PCDHGA7: variants seen among roughly 807,000 people sequenced by gnomAD.
PCDHGA7 encodes the protein protocadherin gamma subfamily A, 7.
A neutral mutation model predicts 58.3 loss-of-function variants in PCDHGA7; 44 were observed. The ratio of observed to expected loss-of-function variants is 0.75; its 90% CI spans 0.59 to 0.97. The LOEUF (loss-of-function observed/expected upper bound fraction) is 0.97. Among genes scored for constraint, PCDHGA7 ranks in the 50% least tolerant of loss-of-function variants. PCDHGA7 has a pLI of 0.00. For missense variants in PCDHGA7, 1,266 were observed against 1,188.7 expected (o/e 1.06, Z -0.96); for synonymous variants, 516 against 504.2 (o/e 1.02, Z -0.31).
chr5:141,449,837 TAATTA>T (rs1054425190), intron 1 of PCDHGA7, among the ~76,000 whole-genome samples: 11 of 151,856 alleles, frequency 7.2e-5, no homozygotes, highest in Middle Eastern at 3.4e-3. Context: ...TTCTTTTATA[TAATTA>T]AATTTTAATA....
rs750774158 is a variant in PCDHGA7 at position 141,389,140 on chromosome 5, C to A, written c.2424+3817C>A. 3.1e-6 allele frequency: 5 copies of A among 1,613,878 alleles called. No homozygotes were observed. In the Admixed American group the frequency reaches 8.3e-5, roughly 27 times the overall value. On this transcript the variant is annotated intron_variant, in intron 1 of 3. Coordinates refer to ENST00000518325, the MANE Select transcript of PCDHGA7 (RefSeq NM_018920.4). ...GAGCAGAATCCAGAGTACAATATAA[C>A]CGTTACGGCAACAGATCGGGGCAAG...
intron 2 of PCDHGA7, among the ~76,000 whole-genome samples, chr5:141,500,184 T>TTTTATTTATTTATTTA (rs58019021): frequency 1.5e-5 from 2 of 135,886 alleles, no homozygotes; most frequent in African/African-American, 5.4e-5. Flanking sequence ...TCATTTTTAT[T>TTTTATTTATTTATTTA]TTTATTTATT....
chr5:141,475,486 T>G (rs576743657), intron 1 of PCDHGA7, among the ~76,000 whole-genome samples: 1 of 152,252 alleles, frequency 6.6e-6, no homozygotes, highest in Non-Finnish European at 1.5e-5. Flanking sequence ...TGGTAAGAGA[T>G]AAAACTGAAA....
chr5:141,471,042 C>G (rs2099247416), intron 1 of PCDHGA7, among the ~76,000 whole-genome samples: 1 of 139,088 alleles, frequency 7.2e-6, no homozygotes, highest in South Asian at 2.3e-4. Flanking sequence ...CAAGCCCAAG[C>G]CCTCTTTTTT....
At chr5:141,393,718 C>A in intron 1 of PCDHGA7, 2 of 1,613,644 alleles carry the variant, frequency 1.2e-6, no homozygotes, top group Non-Finnish European at 1.7e-6. Flanking sequence ...GGGGAAATAT[C>A]AATAGCAAAA....
chr5:141,494,701 C>G, intron 1 of PCDHGA7, 106 bp from the exon 2 acceptor site: 1 of 1,594,596 alleles, frequency 6.3e-7, no homozygotes, highest in Non-Finnish European at 8.6e-7. Context: ...CCGTTTTCTT[C>G]TCTGTGCCCA....
In PCDHGA7 at chr5:141,491,049, G is replaced by A. The variant is rs369146505; in HGVS notation, c.2425-3758G>A. Reference sequence around the variant, plus strand: ...TGGATGCTGATGCAGGCCACAATGCGTGGCTCTCCTACTCACTGTTGCCAC... The same window carrying A: ...TGGATGCTGATGCAGGCCACAATGCATGGCTCTCCTACTCACTGTTGCCAC... On this transcript the variant is annotated intron_variant, in intron 1 of 3. Coordinates refer to ENST00000518325, the MANE Select transcript of PCDHGA7 (RefSeq NM_018920.4). This position sits in a 1 kb window ranked among gnomAD's most constrained non-coding sequence, Gnocchi z 6.9. The A allele has an allele frequency of 3.3e-5, 53 of 1,614,116 alleles. No individual in the cohort carries two copies. The African/African-American group carries it at 5.5e-4, about 17-fold the overall frequency.
intron 1 of PCDHGA7, chr5:141,398,172 A>G (rs1386610242): frequency 6.1e-6 from 9 of 1,476,892 alleles, no homozygotes; most frequent in Non-Finnish European, 7.2e-6. Context: ...AGAGGCTGCC[A>G]GTGCTCTTTC....
chr5:141,448,621 T>C (rs2098597629), intron 1 of PCDHGA7, among the ~76,000 whole-genome samples: 1 of 152,168 alleles, frequency 6.6e-6, no homozygotes, highest in Admixed American at 6.5e-5. Flanking sequence ...TATATCTTCC[T>C]TTCTTCACAT....
At chr5:141,400,189 C>G (rs376855933) in intron 1 of PCDHGA7, 2 of 1,614,056 alleles carry the variant, frequency 1.2e-6, no homozygotes, top group Non-Finnish European at 1.7e-6. Flanking sequence ...GCAGTTTTAC[C>G]TAGTGGTGGC....
intron 1 of PCDHGA7, among the ~76,000 whole-genome samples, chr5:141,473,350 G>A (rs28461214): frequency 0.13 from 19,833 of 152,204 alleles, 1,410 homozygotes; most frequent in African/African-American, 0.17. Context: ...CAGTGAGGAT[G>A]CAAGTGGCCA....
At chr5:141,428,141 G>C (rs1314061143) in intron 1 of PCDHGA7, 2 of 1,596,500 alleles carry the variant, frequency 1.3e-6, no homozygotes, top group African/African-American at 2.7e-5. Context: ...GCCTGGGGCT[G>C]CACACGGGAA....
chr5:141,416,819 G>A (rs952251457), intron 1 of PCDHGA7: 5 of 151,982 alleles, frequency 3.3e-5, no homozygotes, highest in African/African-American at 9.7e-5. Flanking sequence ...AAAGCATTCC[G>A]AAGTTTCTCA....
chr5:141,484,024 A>G (rs769415978), intron 1 of PCDHGA7, among the ~76,000 whole-genome samples: 14 of 150,914 alleles, frequency 9.3e-5, no homozygotes, highest in Non-Finnish European at 1.6e-4. Flanking sequence ...GTGGGGTGAG[A>G]TCAAGTCTCC....
At chr5:141,406,072 CT>C (rs530474569) in intron 1 of PCDHGA7, among the ~76,000 whole-genome samples, 16,756 of 141,280 alleles carry the variant, frequency 0.12, 1,110 homozygotes, top group African/African-American at 0.2. Flanking sequence ...ATTCTTACTC[CT>C]TTTTTTTTTT....
chr5:141,453,101 T>TTTTTGTTTTG (rs879618609), intron 1 of PCDHGA7, among the ~76,000 whole-genome samples: 1 of 152,012 alleles, frequency 6.6e-6, no homozygotes, highest in Non-Finnish European at 1.5e-5. Flanking sequence ...TTCTGTTGCT[T>TTTTTGTTTTG]TTTTGTTTTG....
At chr5:141,409,872 A>T in intron 1 of PCDHGA7, 1 of 1,612,828 alleles carries the variant, frequency 6.2e-7, no homozygotes. Context: ...GACCGCAATG[A>T]CAACGCACCG....
At position 141,492,010 on chromosome 5, in the gene PCDHGA7, G is replaced by A. The variant is rs2099736138; in HGVS notation, c.2425-2797G>A. 2 of 617,370 alleles carry A rather than the reference G, an allele frequency of 3.2e-6. 1 individual carries two copies. Among genetic ancestry groups the A allele is most frequent in the Middle Eastern group, 8.7e-4 (2 of 2,312 alleles). The allele number at this position is 617,370 out of a possible 1,614,324, so 38.2% of individuals were successfully genotyped here. On this transcript the variant is annotated intron_variant, in intron 1 of 3. Transcript: ENST00000518325. Reference sequence around the variant, plus strand: ...GGTGAATTTCGGGCGATTTCCGCGGGTGTCGGGGGTCCCGGGAGGAGGCAG... The same window carrying A: ...GGTGAATTTCGGGCGATTTCCGCGGATGTCGGGGGTCCCGGGAGGAGGCAG...
At chr5:141,405,029 C>T in intron 1 of PCDHGA7, 1 of 1,613,976 alleles carries the variant, frequency 6.2e-7, no homozygotes, top group Non-Finnish European at 8.5e-7. Flanking sequence ...TACCCTCTAC[C>T]TCGTTGTGGC....
Sources: allele counts gnomAD v4.1 joint callset (sites outside exome capture counted in the v4.1 genomes callset), GRCh38; gene constraint gnomAD v4.1.1; non-coding constraint Gnocchi (gnomAD v3.1); transcripts MANE v1.5; gene names NCBI Gene and HGNC (gene_info 2026-07-23, HGNC 2026-07-21).